The following SLC44A5 variants were observed in gnomAD, a reference collection of about 807,000 sequenced individuals.
The protein encoded by SLC44A5 is solute carrier family 44 member 5, also known as choline transporter-like protein 5.
A neutral mutation model predicts 101.8 loss-of-function variants in SLC44A5; 57 were observed. That is an observed-to-expected ratio of 0.56 (90% CI 0.45 to 0.70). SLC44A5 has a LOEUF of 0.70. Among genes scored for constraint, SLC44A5 ranks in the 30% least tolerant of loss-of-function variants. The probability of loss-of-function intolerance (pLI) is 0.00; values close to 1 mark genes in which losing one functional copy is unlikely to be tolerated. For synonymous variants in SLC44A5, 281 were observed against 290.9 expected, an observed-to-expected ratio of 0.97 and a Z score of 0.35; for missense variants, 737 against 853.1, an observed-to-expected ratio of 0.86 and a Z score of 1.70.
chr1:75,292,780 G>C (rs1653665474), intron 5 of SLC44A5, among the ~76,000 whole-genome samples: 1 of 152,236 alleles, frequency 6.6e-6, no homozygotes, highest in African/African-American at 2.4e-5. Flanking sequence ...GAAGGAGGAA[G>C]AGAAAAGTAT....
intron 2 of SLC44A5, among the ~76,000 whole-genome samples, chr1:75,483,057 G>A (rs1293305438): frequency 6.6e-6 from 1 of 152,132 alleles, no homozygotes; most frequent in African/African-American, 2.4e-5. Context: ...TTACTGAGCT[G>A]CTTCTATTTG....
At chr1:75,537,027 A>ATAT (rs1259131494) in intron 2 of SLC44A5, among the ~76,000 whole-genome samples, 11 of 34,090 alleles carry the variant, frequency 3.2e-4, no homozygotes, top group South Asian at 2.8e-3. Context: ...AAAAAAAAAA[A>ATAT]AAAAAAATAT....
intron 2 of SLC44A5, among the ~76,000 whole-genome samples, chr1:75,463,817 A>G (rs1335650488): frequency 6.6e-6 from 1 of 152,224 alleles, no homozygotes; most frequent in African/African-American, 2.4e-5. Context: ...ACAGAATATT[A>G]CAACACTGTA....
At chr1:75,435,972 A>T (rs1202172391) in intron 2 of SLC44A5, among the ~76,000 whole-genome samples, 1 of 152,196 alleles carries the variant, frequency 6.6e-6, no homozygotes, top group Non-Finnish European at 1.5e-5. Context: ...ATTAGAAGTT[A>T]TAATCGCAAA....
chr1:75,557,215 A>C (rs1003334923), intron 1 of SLC44A5, among the ~76,000 whole-genome samples: 1 of 152,120 alleles, frequency 6.6e-6, no homozygotes, highest in Non-Finnish European at 1.5e-5. Context: ...TATACGAATA[A>C]AGTTCTCCAT....
the SLC44A5 span, among the ~76,000 whole-genome samples, chr1:75,661,203 T>G: frequency 1.3e-5 from 2 of 151,936 alleles, no homozygotes; most frequent in African/African-American, 4.8e-5. Flanking sequence ...AGCTAACTTA[T>G]TTTTGACAAA....
chr1:75,224,190 A>G (rs1346961814), intron 13 of SLC44A5, among the ~76,000 whole-genome samples: 6 of 152,214 alleles, frequency 3.9e-5, no homozygotes, highest in Middle Eastern at 3.2e-3. Flanking sequence ...TGCATTACTC[A>G]TGTGTTTGGA....
At chr1:75,700,206 C>T in the SLC44A5 span, among the ~76,000 whole-genome samples, 2 of 152,130 alleles carry the variant, frequency 1.3e-5, no homozygotes, top group Non-Finnish European at 1.5e-5. Flanking sequence ...AATATACATT[C>T]TTTTCAGCAC....
At chr1:75,547,317 G>A (rs112143483) in intron 1 of SLC44A5, among the ~76,000 whole-genome samples, 37 of 152,260 alleles carry the variant, frequency 2.4e-4, no homozygotes, top group African/African-American at 8.9e-4. Context: ...AATTATAGAT[G>A]AGCAAACTTT....
At chr1:75,574,374 C>A (rs547432129) in intron 1 of SLC44A5, among the ~76,000 whole-genome samples, 1 of 152,288 alleles carries the variant, frequency 6.6e-6, no homozygotes, top group South Asian at 2.1e-4. Context: ...GACCTAATAG[C>A]AAATCATTAA....
chr1:75,463,617 C>T (rs1666641205), intron 2 of SLC44A5, among the ~76,000 whole-genome samples: 1 of 151,958 alleles, frequency 6.6e-6, no homozygotes, highest in African/African-American at 2.4e-5. Context: ...TGAAAATATC[C>T]TTCAAACATA....
the SLC44A5 span, among the ~76,000 whole-genome samples, chr1:75,661,028 A>G: frequency 1.2e-4 from 19 of 152,180 alleles, no homozygotes; most frequent in Non-Finnish European, 2.5e-4. Flanking sequence ...CTGAATAGCC[A>G]AAGCAATTCT....
chr1:75,476,998 A>G (rs1190893092), intron 2 of SLC44A5, among the ~76,000 whole-genome samples: 8 of 152,046 alleles, frequency 5.3e-5, no homozygotes, highest in Admixed American at 5.2e-4. Context: ...ACTGGGAGGC[A>G]CCCCCCAGCA....
the SLC44A5 span, among the ~76,000 whole-genome samples, chr1:75,668,525 GC>G: frequency 5.1e-4 from 77 of 150,854 alleles, 2 homozygotes; most frequent in Middle Eastern, 0.01. Context: ...TGTTCCCCAG[GC>G]TGGTCAGCTG....
intron 1 of SLC44A5, among the ~76,000 whole-genome samples, chr1:75,604,697 C>T (rs974967982): frequency 6.6e-6 from 1 of 151,594 alleles, no homozygotes; most frequent in Non-Finnish European, 1.5e-5. Flanking sequence ...ATTTCAGCAG[C>T]GTTTTGTAGT....
chr1:75,253,814 C>T (rs1188375393), intron 6 of SLC44A5, among the ~76,000 whole-genome samples: 1 of 152,126 alleles, frequency 6.6e-6, no homozygotes, highest in Non-Finnish European at 1.5e-5. Context: ...AAGGTTTATA[C>T]CTTATTCATC....
chr1:75,698,497 A>T, the SLC44A5 span, among the ~76,000 whole-genome samples: 1 of 152,364 alleles, frequency 6.6e-6, no homozygotes, highest in South Asian at 2.1e-4. Context: ...CCAAAAACCC[A>T]TCTGTACATC....
intron 1 of SLC44A5, among the ~76,000 whole-genome samples, chr1:75,593,176 A>C (rs1288097562): frequency 6.6e-6 from 1 of 152,146 alleles, no homozygotes; most frequent in Admixed American, 6.6e-5. Flanking sequence ...ACATGGTCAA[A>C]AGATTTGAAT....
At chr1:75,277,979 A>T (rs368068957) in intron 5 of SLC44A5, among the ~76,000 whole-genome samples, 1 of 152,230 alleles carries the variant, frequency 6.6e-6, no homozygotes, top group Middle Eastern at 3.4e-3. Flanking sequence ...CTATTAATAA[A>T]TTAAGGAGCT....
Sources: gnomAD v4.1 joint callset for allele counts (sites outside exome capture counted in the v4.1 genomes callset) on GRCh38, gnomAD v4.1.1 for gene constraint, MANE v1.5 for transcripts, NCBI Gene and HGNC (gene_info 2026-07-23, HGNC 2026-07-21) for gene names.